PHF2: variants seen among roughly 807,000 people sequenced by gnomAD.
PHF2 encodes the protein PHD finger protein 2, also known as lysine-specific demethylase PHF2.
PHF2 carries 27 observed loss-of-function variants against 120.5 expected under a neutral mutation model. That is an observed-to-expected ratio of 0.22 (90% CI 0.17 to 0.31). PHF2 has a LOEUF of 0.31. Ranked by LOEUF, PHF2 falls within the 10% of genes least tolerant of loss-of-function variation. The pLI is 1.00. For missense variants in PHF2, 1,024 were observed against 1,434.8 expected, an observed-to-expected ratio of 0.71 and a Z score of 4.63; for synonymous variants, 568 against 592.5, an observed-to-expected ratio of 0.96 and a Z score of 0.60.
intron 3 of PHF2, among the ~76,000 whole-genome samples, chr9:93,644,082 C>A (rs565740037): frequency 1.3e-5 from 2 of 152,262 alleles, no homozygotes; most frequent in African/African-American, 4.8e-5. Flanking sequence ...ACACCACTGC[C>A]CTGCTTAGAA....
In PHF2 at chr9:93,608,505, CTG is replaced by C. The variant is rs1334693557; in HGVS notation, c.99-21463_99-21462del. On this transcript the variant is annotated intron_variant, in intron 1 of 21. Coordinates refer to ENST00000359246, the MANE Select transcript of PHF2 (RefSeq NM_005392.4). ...CTCTGCTTCTATCATCTGAAAGAGACTGTAGAAAGTTGATATAATTTATCCCT... is the reference window on the plus strand; with the variant it reads ...CTCTGCTTCTATCATCTGAAAGAGACTAGAAAGTTGATATAATTTATCCCT... 2.4e-4 allele frequency among the ~76,000 whole-genome samples: 36 copies of C among 151,594 alleles called. 1 individual carries two copies. Among genetic ancestry groups the C allele is most frequent in the Middle Eastern group, 3.4e-3 (1 of 294 alleles).
At chr9:93,598,345 G>A (rs925693246) in intron 1 of PHF2, among the ~76,000 whole-genome samples, 38 of 152,322 alleles carry the variant, frequency 2.5e-4, no homozygotes, top group African/African-American at 8.4e-4. Context: ...CTGCCACTGC[G>A]CTTATCATCA....
intron 12 of PHF2, among the ~76,000 whole-genome samples, chr9:93,662,582 G>T (rs1440829344): frequency 6.6e-6 from 1 of 151,338 alleles, no homozygotes; most frequent in Non-Finnish European, 1.5e-5. Flanking sequence ...ATGAACAAAT[G>T]CATGGTGCAT....
intron 10 of PHF2, 88 bp downstream of exon 10, chr9:93,658,324 C>A: frequency 1.0e-6 from 1 of 986,416 alleles, no homozygotes; most frequent in Non-Finnish European, 1.6e-6. Flanking sequence ...ATGTCCAGGA[C>A]TTGTCCTGCT....
At chr9:93,636,201 A>G (rs1280181157) in intron 2 of PHF2, among the ~76,000 whole-genome samples, 1 of 151,978 alleles carries the variant, frequency 6.6e-6, no homozygotes, top group Non-Finnish European at 1.5e-5. Flanking sequence ...GAGGTGTGGG[A>G]TGGGAGAGGA....
In PHF2 at chr9:93,656,573, G is replaced by A. The variant is rs746898327; in HGVS notation, c.1125G>A (p.Lys375=). The change falls in exon 9 of 22, where the codon AAG becomes AAA. Residue 375 remains lysine, a synonymous_variant. Transcript: ENST00000359246. The surrounding 1 kb of genome is among the most constrained non-coding windows in gnomAD (Gnocchi z 4.1). ...AAACTGCGTGCTGGTACATGGGGAA[G>A]CACCTGCTGGAGGCATTCAAAGGTA... ...NFETACWYMG[K]HLLEAFKGSH... The A allele has an allele frequency of 1.2e-6, 2 of 1,613,604 alleles. No homozygotes were observed. Among genetic ancestry groups the A allele is most frequent in the South Asian group, 1.1e-5 (1 of 91,076 alleles).
chr9:93,594,186 ACCC>A (rs57656509), intron 1 of PHF2, among the ~76,000 whole-genome samples: 10,158 of 140,258 alleles, frequency 0.072, 552 homozygotes, highest in Admixed American at 0.15. Context: ...TTCTCATGTG[ACCC>A]CCCCCCCCTC....
intron 1 of PHF2, among the ~76,000 whole-genome samples, chr9:93,587,702 G>C (rs908419703): frequency 5.3e-5 from 8 of 152,118 alleles, no homozygotes; most frequent in Admixed American, 2.0e-4. Flanking sequence ...AGCTCCCCCA[G>C]TGCCAGTTGG....
chr9:93,655,909 C>G (rs373758413), intron 7 of PHF2, 25 bp from the exon 8 acceptor site: 8 of 1,582,842 alleles, frequency 5.1e-6, no homozygotes. Flanking sequence ...AGGTGGGGCA[C>G]CAGCCACTCC....
chr9:93,676,242 G>A (rs1020864605), intron 20 of PHF2, among the ~76,000 whole-genome samples: 2 of 152,170 alleles, frequency 1.3e-5, no homozygotes, highest in African/African-American at 4.8e-5. Context: ...CTCCCAACCA[G>A]GCCCAACCTC....
At chr9:93,664,743 G>A (rs1160697261) in intron 14 of PHF2, among the ~76,000 whole-genome samples, 2 of 152,234 alleles carry the variant, frequency 1.3e-5, no homozygotes, top group African/African-American at 2.4e-5. Context: ...CTAGGTTCCT[G>A]GGAAGCTATT....
intron 10 of PHF2, 86 bp from the exon 11 acceptor site, chr9:93,659,425 G>T: frequency 1.8e-6 from 2 of 1,102,226 alleles, no homozygotes; most frequent in Non-Finnish European, 2.7e-6. Flanking sequence ...TGGCTCGGCA[G>T]TCAGGCGACA....
Position 93,656,439 on chromosome 9 carries a change from C to A in PHF2, c.1041-50C>A. The A allele has an allele frequency of 7.7e-7, 1 of 1,297,362 alleles. No individual in the cohort carries two copies. Among genetic ancestry groups the A allele is most frequent in the South Asian group, 1.2e-5 (1 of 84,062 alleles). 80.4% of individuals were successfully genotyped at this position (1,297,362 alleles called of 1,614,324 possible). ...TGGGGCCTGGATTGATGCCCAGCGT[C>A]GCCTGCTTGATGGTCAGTGCACTGA... On this transcript the variant is annotated intron_variant, in intron 8 of 21. Transcript: ENST00000359246. The surrounding 1 kb of genome is among the most constrained non-coding windows in gnomAD (Gnocchi z 4.1).
chr9:93,664,551 A>G (rs899841319), intron 14 of PHF2, among the ~76,000 whole-genome samples: 2 of 152,146 alleles, frequency 1.3e-5, no homozygotes, highest in Non-Finnish European at 2.9e-5. Context: ...AAGAGATGAG[A>G]GGAGAAGGCC....
At chr9:93,676,536 G>C (rs1826914580) in intron 20 of PHF2, 58 bp from the exon 21 acceptor site, 1 of 1,543,256 alleles carries the variant, frequency 6.5e-7, no homozygotes, top group African/African-American at 1.4e-5. Context: ...GGAGCTCCCT[G>C]CTCTGTTGGC....
intron 1 of PHF2, among the ~76,000 whole-genome samples, chr9:93,612,129 T>A (rs1404435999): frequency 1.3e-5 from 2 of 152,262 alleles, no homozygotes; most frequent in Non-Finnish European, 2.9e-5. Context: ...TTGTTCCAGA[T>A]CAGCAAATAC....
intron 1 of PHF2, among the ~76,000 whole-genome samples, chr9:93,625,678 A>G (rs926233741): frequency 6.6e-6 from 1 of 151,670 alleles, no homozygotes; most frequent in African/African-American, 2.4e-5. Context: ...GGGTTTTGCC[A>G]TGTTGGTCAG....
chr9:93,628,728 G>A (rs1825951352), intron 1 of PHF2, among the ~76,000 whole-genome samples: 1 of 152,146 alleles, frequency 6.6e-6, no homozygotes, highest in South Asian at 2.1e-4. Flanking sequence ...TTACTGGTCA[G>A]TTTTATTTAC....
At chr9:93,592,991 G>A (rs1825256987) in intron 1 of PHF2, among the ~76,000 whole-genome samples, 1 of 149,078 alleles carries the variant, frequency 6.7e-6, no homozygotes, top group Admixed American at 6.8e-5. Flanking sequence ...CTAGGGCAGG[G>A]CACATCCAGA....
Sources: gnomAD v4.1 joint callset for allele counts (sites outside exome capture counted in the v4.1 genomes callset) on GRCh38, gnomAD v4.1.1 for gene constraint, Gnocchi (gnomAD v3.1) non-coding constraint, MANE v1.5 for transcripts, NCBI Gene and HGNC (gene_info 2026-07-23, HGNC 2026-07-21) for gene names.